Variants in UIMC1 observed in about 807,000 individuals in gnomAD.
UIMC1 encodes BRCA1-A complex subunit RAP80.
Under a neutral mutation model 84.9 loss-of-function variants are expected in UIMC1, and 42 were observed. That is an observed-to-expected ratio of 0.49 (90% confidence interval 0.39 to 0.64). The LOEUF (loss-of-function observed/expected upper bound fraction) is 0.64. UIMC1 is among the 30% of genes least tolerant of loss of function. The probability of loss-of-function intolerance (pLI) is 0.00; values close to 1 mark genes in which losing one functional copy is unlikely to be tolerated. For missense variants in UIMC1, 825 were observed against 847.6 expected, an observed-to-expected ratio of 0.97 and a Z score of 0.33; for synonymous variants, 281 against 293.0, an observed-to-expected ratio of 0.96 and a Z score of 0.42.
At chr5:176,950,219 C>T (rs1017454800) in intron 9 of UIMC1, among the ~76,000 whole-genome samples, 1 of 150,156 alleles carries the variant, frequency 6.7e-6, no homozygotes, top group Non-Finnish European at 1.5e-5. Flanking sequence ...CCTGCCTCAG[C>T]CTCCCAAATA....
At chr5:176,918,150 T>C (rs1173696602) in intron 10 of UIMC1, among the ~76,000 whole-genome samples, 10 of 152,222 alleles carry the variant, frequency 6.6e-5, no homozygotes, top group Non-Finnish European at 2.9e-5. Context: ...CAATTCTGTC[T>C]ACCTTGAGCA....
intron 1 of UIMC1, among the ~76,000 whole-genome samples, chr5:176,987,768 A>C (rs552592313): frequency 6.6e-6 from 1 of 150,686 alleles, no homozygotes; most frequent in East Asian, 2.0e-4. Context: ...AGGCTGCAGT[A>C]AACTGTGATC....
intron 1 of UIMC1, among the ~76,000 whole-genome samples, chr5:176,986,433 C>G (rs1581654981): frequency 7.1e-6 from 1 of 140,258 alleles, no homozygotes; most frequent in Non-Finnish European, 1.5e-5. Context: ...ACTCAAGAGG[C>G]TGAGGCAGGA....
At chr5:176,909,537 G>C (rs1233827674) in intron 11 of UIMC1, among the ~76,000 whole-genome samples, 1 of 152,062 alleles carries the variant, frequency 6.6e-6, no homozygotes, top group Non-Finnish European at 1.5e-5. Flanking sequence ...AGATCACCTT[G>C]GTTTTAAGAA....
chr5:176,927,206 GAAAA>G (rs1220549611), intron 10 of UIMC1, among the ~76,000 whole-genome samples: 1 of 44,628 alleles, frequency 2.2e-5, no homozygotes. Context: ...CTTTAAAAAA[GAAAA>G]AAAAAAAAAA....
In UIMC1 at chr5:176,951,505, T is replaced by A; in HGVS notation, c.1412A>T (p.Asp471Val). 1 of 1,581,346 alleles carries A rather than the reference T, an allele frequency of 6.3e-7. No individual in the cohort carries two copies. Among genetic ancestry groups the A allele is most frequent in the South Asian group, 1.2e-5 (1 of 83,428 alleles). Residue 471 changes from aspartate to valine, a missense_variant, in exon 9 of 15, where the codon GAT (aspartate) becomes GTT (valine). Coordinates refer to ENST00000511320, the MANE Select transcript of UIMC1 (RefSeq NM_001199298.2). ...ATCTGCCATTATTATTCTGACTCCA[T>A]CCAAGATATCTCTGCTACCTGGAGA... ...EVSPGSRDIL[D>V]GVRIIMADKE... is the part of the protein sequence containing the mutation.
intron 9 of UIMC1, among the ~76,000 whole-genome samples, chr5:176,947,384 T>C (rs960482456): frequency 1.3e-5 from 2 of 152,166 alleles, no homozygotes. Flanking sequence ...CTAGGGTACA[T>C]GTGCACAATG....
intron 10 of UIMC1, among the ~76,000 whole-genome samples, chr5:176,914,354 T>C (rs1345653861): frequency 2.6e-5 from 4 of 152,204 alleles, no homozygotes; most frequent in African/African-American, 7.2e-5. Context: ...GGAAAAATGG[T>C]TGTAAAGGAT....
intron 6 of UIMC1, among the ~76,000 whole-genome samples, chr5:176,964,021 T>A (rs1485415418): frequency 6.6e-6 from 1 of 152,238 alleles, no homozygotes; most frequent in Non-Finnish European, 1.5e-5. Flanking sequence ...AAACCAGTTA[T>A]CATCTGATTC....
chr5:176,922,570 A>G (rs1308348072), intron 10 of UIMC1, among the ~76,000 whole-genome samples: 1 of 152,138 alleles, frequency 6.6e-6, no homozygotes, highest in East Asian at 1.9e-4. Flanking sequence ...ATTTTCTTTC[A>G]GTCTTTATTT....
At chr5:176,952,808 A>C (rs1265895043) in intron 8 of UIMC1, among the ~76,000 whole-genome samples, 2 of 152,062 alleles carry the variant, frequency 1.3e-5, no homozygotes, top group East Asian at 1.9e-4. Flanking sequence ...CACACACAAA[A>C]AAAAGTTTGC....
At chr5:176,937,615 T>C (rs1049155322) in intron 10 of UIMC1, among the ~76,000 whole-genome samples, 1 of 152,382 alleles carries the variant, frequency 6.6e-6, no homozygotes, top group African/African-American at 2.4e-5. Context: ...CGTAGTATTA[T>C]AATCAAAACT....
At chr5:176,928,119 T>C (rs940551809) in intron 10 of UIMC1, among the ~76,000 whole-genome samples, 2 of 152,170 alleles carry the variant, frequency 1.3e-5, no homozygotes, top group African/African-American at 2.4e-5. Flanking sequence ...GCTAGGATTA[T>C]AGGCTTGAGG....
At chr5:176,947,280 A>G (rs1299892589) in intron 9 of UIMC1, among the ~76,000 whole-genome samples, 2 of 152,188 alleles carry the variant, frequency 1.3e-5, no homozygotes, top group African/African-American at 4.8e-5. Context: ...AGGGGGAAAA[A>G]GGCAAGCAAA....
chr5:176,925,181 A>T (rs985466053), intron 10 of UIMC1, among the ~76,000 whole-genome samples: 1 of 152,236 alleles, frequency 6.6e-6, no homozygotes, highest in South Asian at 2.1e-4. Context: ...ATCCAATTTT[A>T]AAATGGACAA....
At chr5:176,990,418 AATTGT>A (rs1411129742) in intron 1 of UIMC1, among the ~76,000 whole-genome samples, 1 of 152,120 alleles carries the variant, frequency 6.6e-6, no homozygotes, top group African/African-American at 2.4e-5. Context: ...GAACAAAAAA[AATTGT>A]ATTGTTTATA....
At chr5:176,938,191 A>G (rs1290635619) in intron 10 of UIMC1, among the ~76,000 whole-genome samples, 1 of 52,010 alleles carries the variant, frequency 1.9e-5, no homozygotes, top group Non-Finnish European at 5.7e-5. Flanking sequence ...CCCTGTCTCA[A>G]AAAAAAAAAA....
At chr5:176,969,408 T>C in intron 5 of UIMC1, 117 bp from the exon 6 acceptor site, 1 of 1,440,348 alleles carries the variant, frequency 6.9e-7, no homozygotes, top group South Asian at 1.4e-5. Context: ...TTCTTTGGGT[T>C]TAACCAAATG....
intron 10 of UIMC1, among the ~76,000 whole-genome samples, chr5:176,917,789 A>G (rs907254667): frequency 6.6e-6 from 1 of 152,172 alleles, no homozygotes; most frequent in Non-Finnish European, 1.5e-5. Flanking sequence ...GTGAAACCCC[A>G]TCTCTAGTAA....
Sources: gnomAD v4.1 joint callset for allele counts (sites outside exome capture counted in the v4.1 genomes callset) on GRCh38, gnomAD v4.1.1 for gene constraint, MANE v1.5 for transcripts, NCBI Gene and HGNC (gene_info 2026-07-23, HGNC 2026-07-21) for gene names.